The following ADAMTSL1 variants were observed in gnomAD, a reference collection of about 807,000 sequenced individuals.
ADAMTSL1 encodes ADAMTS like 1.
In ADAMTSL1, 126 loss-of-function variants were observed where a neutral mutation model predicts 201.8. That is an observed-to-expected ratio of 0.62 (90% CI 0.54 to 0.72). The LOEUF is 0.72. Ranked by LOEUF, ADAMTSL1 falls within the 30% of genes least tolerant of loss-of-function variation. The pLI is 0.00. For synonymous variants in ADAMTSL1, 1,121 were observed against 903.4 expected (o/e 1.24, Z -4.32); for missense variants, 2,679 against 2,277.8 (o/e 1.18, Z -3.59).
intron 1 of ADAMTSL1, among the ~76,000 whole-genome samples, chr9:18,492,642 T>C (rs935599199): frequency 6.6e-6 from 1 of 152,194 alleles, no homozygotes; most frequent in Non-Finnish European, 1.5e-5. Flanking sequence ...AAAATAACTC[T>C]ATGAGTTACA....
chr9:18,144,158 T>C (rs1826521729), intron 1 of ADAMTSL1, among the ~76,000 whole-genome samples: 1 of 152,014 alleles, frequency 6.6e-6, no homozygotes, highest in African/African-American at 2.4e-5. Flanking sequence ...GGCTATGGGA[T>C]ACACTTTGCA....
intron 2 of ADAMTSL1, among the ~76,000 whole-genome samples, chr9:18,337,223 A>G (rs1835276769): frequency 6.6e-6 from 1 of 152,150 alleles, no homozygotes; most frequent in Non-Finnish European, 1.5e-5. Flanking sequence ...TCCAGCCTTC[A>G]TCCTTCCCCC....
At chr9:18,584,422 T>G (rs766602286) in intron 4 of ADAMTSL1, among the ~76,000 whole-genome samples, 32 of 152,216 alleles carry the variant, frequency 2.1e-4, no homozygotes, top group Non-Finnish European at 4.0e-4. Flanking sequence ...TTTTGTAAAT[T>G]GCTCAGTCTC....
chr9:17,946,163 T>C (rs1384171130), intron 1 of ADAMTSL1, among the ~76,000 whole-genome samples: 1 of 143,504 alleles, frequency 7.0e-6, no homozygotes, highest in Non-Finnish European at 1.5e-5. Context: ...TGCCCAGCTA[T>C]TTTTTTTTTT....
At chr9:18,359,157 G>A (rs922014073) in intron 2 of ADAMTSL1, among the ~76,000 whole-genome samples, 1 of 152,018 alleles carries the variant, frequency 6.6e-6, no homozygotes, top group Non-Finnish European at 1.5e-5. Context: ...GCACATGCTG[G>A]GCTGAAGTGA....
At chr9:18,282,876 A>T (rs1318873494) in intron 2 of ADAMTSL1, among the ~76,000 whole-genome samples, 1 of 152,176 alleles carries the variant, frequency 6.6e-6, no homozygotes, top group African/African-American at 2.4e-5. Flanking sequence ...CAGCCTGGGC[A>T]ACAAGAGTGA....
intron 15 of ADAMTSL1, chr9:18,723,363 C>G (rs771079723): frequency 8.6e-6 from 4 of 463,128 alleles, no homozygotes; most frequent in Middle Eastern, 6.0e-4. Flanking sequence ...TAACAACACC[C>G]AAATGCTGAG....
chr9:18,011,888 G>A (rs1005783659), intron 1 of ADAMTSL1, among the ~76,000 whole-genome samples: 1 of 152,008 alleles, frequency 6.6e-6, no homozygotes, highest in African/African-American at 2.4e-5. Flanking sequence ...AATTACAAGG[G>A]TAGGGCAGCA....
At chr9:18,238,721 G>T (rs918799886) in intron 2 of ADAMTSL1, among the ~76,000 whole-genome samples, 3 of 152,116 alleles carry the variant, frequency 2.0e-5, no homozygotes, top group Non-Finnish European at 2.9e-5. Context: ...ATTTATGTTT[G>T]TATACATTTA....
In ADAMTSL1 at chr9:18,710,661, G is replaced by GTTTTTTTTTTTTTTTTTTTTTTTTT. The variant is rs1352571180; in HGVS notation, c.1876+3617_1876+3618insTTTTTTTTTTTTTTTTTTTTTTTTT. Among the ~76,000 whole-genome samples, 2 of 79,644 alleles carry GTTTTTTTTTTTTTTTTTTTTTTTTT rather than the reference G, an allele frequency of 2.5e-5. 1 individual carries two copies. Among genetic ancestry groups the GTTTTTTTTTTTTTTTTTTTTTTTTT allele is most frequent in the African/African-American group, 8.6e-5 (2 of 23,128 alleles). The allele number at this position is 79,644 out of a possible 152,430, so 52.2% of individuals were successfully genotyped here. On this transcript the variant is annotated intron_variant, in intron 14 of 28. Transcript: ENST00000380548. ...TCCTTGCAGTCTTAGAAGGGCCTAA[G>GTTTTTTTTTTTTTTTTTTTTTTTTT]TTTTGTTTTGTTTTTTTTTTTTTTT...
intron 23 of ADAMTSL1, among the ~76,000 whole-genome samples, chr9:18,865,097 T>A (rs543905999): frequency 2.0e-5 from 3 of 152,348 alleles, no homozygotes; most frequent in African/African-American, 4.8e-5. Flanking sequence ...CGTGCAGATT[T>A]GTTACATATG....
intron 19 of ADAMTSL1, among the ~76,000 whole-genome samples, chr9:18,782,466 A>C (rs1306139181): frequency 6.6e-6 from 1 of 152,214 alleles, no homozygotes; most frequent in Non-Finnish European, 1.5e-5. Flanking sequence ...CTATTTAGAT[A>C]ATTTTATTCT....
At chr9:18,033,970 C>T (rs1056955914) in intron 1 of ADAMTSL1, among the ~76,000 whole-genome samples, 1 of 152,134 alleles carries the variant, frequency 6.6e-6, no homozygotes, top group African/African-American at 2.4e-5. Flanking sequence ...ATTCCTTGTA[C>T]TTTTCTTCCC....
At chr9:18,292,729 A>G (rs982902541) in intron 2 of ADAMTSL1, among the ~76,000 whole-genome samples, 4 of 152,096 alleles carry the variant, frequency 2.6e-5, no homozygotes, top group African/African-American at 4.8e-5. Context: ...ACTTAAACCA[A>G]TGGTTTGCCA....
At chr9:18,870,251 T>G (rs1827804758) in intron 23 of ADAMTSL1, among the ~76,000 whole-genome samples, 2 of 152,214 alleles carry the variant, frequency 1.3e-5, no homozygotes. Context: ...GCTGAAATAT[T>G]GGTCTCATTT....
chr9:18,176,007 C>CG (rs1491214278), intron 2 of ADAMTSL1, among the ~76,000 whole-genome samples: 6 of 62,578 alleles, frequency 9.6e-5, no homozygotes, highest in Non-Finnish European at 1.7e-4. Context: ...AGAGGGAAAG[C>CG]AAAAAAAAAA....
chr9:18,628,906 G>C (rs1201844557), intron 5 of ADAMTSL1, among the ~76,000 whole-genome samples: 1 of 152,160 alleles, frequency 6.6e-6, no homozygotes, highest in Non-Finnish European at 1.5e-5. Context: ...AGACTGAAGT[G>C]CAGTGGCTAT....
chr9:18,746,114 G>C (rs1040313421), intron 15 of ADAMTSL1, among the ~76,000 whole-genome samples: 21 of 152,196 alleles, frequency 1.4e-4, no homozygotes, highest in Non-Finnish European at 1.5e-5. Flanking sequence ...TGAAAGCTCA[G>C]CTTGACACCA....
chr9:18,753,464 C>A lies in ADAMTSL1; in HGVS notation c.2173C>A (p.Arg725Ser), dbSNP rs375869565. Residue 725 changes from arginine to serine, a missense_variant, in exon 16 of 29, where the codon CGC becomes AGC. Physicochemically the swap from Arg to Ser is moderately radical, Grantham distance 110. Transcript: ENST00000380548. ...PKPSTVQACNRFNCPPAWYPA... is the reference protein window; with the variant it reads ...PKPSTVQACNSFNCPPAWYPA... ...GCCCAGCACGGTGCAAGCTTGTAAC[C>A]GCTTTAATTGCCCCCCAGCCTGGTA... 3.1e-6 allele frequency: 5 copies of A among 1,613,264 alleles called. No individual in the cohort carries two copies. The highest frequency in any genetic ancestry group is 4.2e-6 in the Non-Finnish European group (5 of 1,179,772).
Sources: allele counts gnomAD v4.1 joint callset (sites outside exome capture counted in the v4.1 genomes callset), GRCh38; gene constraint gnomAD v4.1.1; transcripts MANE v1.5; gene names NCBI Gene and HGNC (gene_info 2026-07-23, HGNC 2026-07-21).